The following KIDINS220 variants were observed in gnomAD, a reference collection of about 807,000 sequenced individuals.
KIDINS220 encodes the protein kinase D interacting substrate 220.
In KIDINS220, 63 loss-of-function variants were observed where a neutral mutation model predicts 157.6. The observed-to-expected ratio is 0.40, with a 90% CI of 0.33 to 0.49. The LOEUF is 0.49. Ranked by LOEUF, KIDINS220 falls within the 20% of genes least tolerant of loss-of-function variation. The pLI, the probability that KIDINS220 is intolerant of heterozygous loss-of-function variation, is 0.66. For synonymous variants in KIDINS220, 732 were observed against 783.6 expected, an observed-to-expected ratio of 0.93 and a Z score of 1.10; for missense variants, 1,772 against 2,171.2, an observed-to-expected ratio of 0.82 and a Z score of 3.65.
At chr2:8,742,710 C>T (rs528726945) in intron 26 of KIDINS220, among the ~76,000 whole-genome samples, 1 of 152,290 alleles carries the variant, frequency 6.6e-6, no homozygotes, top group South Asian at 2.1e-4. Flanking sequence ...ATAATTCCCT[C>T]GGTGGCCTTC....
chr2:8,781,845 G>A (rs1671766232), intron 17 of KIDINS220, among the ~76,000 whole-genome samples: 1 of 152,174 alleles, frequency 6.6e-6, no homozygotes, highest in African/African-American at 2.4e-5. Context: ...AATCTGGCTG[G>A]GTGCAGTGGC....
chr2:8,746,953 G>T, intron 26 of KIDINS220, 192 bp downstream of exon 26: 1 of 529,504 alleles, frequency 1.9e-6, no homozygotes, highest in Admixed American at 3.1e-5. Flanking sequence ...AGGAAATAAT[G>T]GGTGAAGTTA....
At chr2:8,725,042 C>G (rs1000538735), downstream of KIDINS220, 9 of 152,052 alleles carry the variant, frequency 5.9e-5, no homozygotes, top group African/African-American at 2.2e-4. Context: ...TTACAGTAAA[C>G]TAGGATGGTA....
chr2:8,796,828 G>A lies in KIDINS220; in HGVS notation c.1041C>T (p.Asn347=). 1 of 1,614,146 alleles carries A rather than the reference G, an allele frequency of 6.2e-7. No homozygotes were observed. The highest frequency in any genetic ancestry group is 1.1e-5 in the South Asian group (1 of 91,074). The change falls in exon 11 of 30, where the codon AAC becomes AAT. Residue 347 remains asparagine (N), a synonymous_variant. Coordinates refer to ENST00000256707, the MANE Select transcript of KIDINS220 (RefSeq NM_020738.4). ...TPLIKATKMR[N]IEVVELLLDK... Reference sequence around the variant, plus strand: ...CTAGCAGCAGCTCCACCACTTCAATGTTTCTCATCTTGGTAGCCTTTATAA... The same window carrying A: ...CTAGCAGCAGCTCCACCACTTCAATATTTCTCATCTTGGTAGCCTTTATAA...
intron 9 of KIDINS220, chr2:8,800,090 A>C (rs1399756503): frequency 1.6e-5 from 4 of 256,580 alleles, no homozygotes; most frequent in African/African-American, 8.8e-5. Context: ...TCAAAGTGTC[A>C]CCGACTCTCT....
At chr2:8,811,938 C>T (rs991035365) in intron 6 of KIDINS220, among the ~76,000 whole-genome samples, 12 of 152,082 alleles carry the variant, frequency 7.9e-5, no homozygotes, top group East Asian at 7.8e-4. Flanking sequence ...GGAACCATGG[C>T]GGACAAGCAG....
intron 1 of KIDINS220, among the ~76,000 whole-genome samples, chr2:8,832,783 C>T (rs974836446): frequency 1.3e-5 from 2 of 152,180 alleles, no homozygotes; most frequent in Non-Finnish European, 2.9e-5. Context: ...CGGCTTAAAA[C>T]GAAGCTGTCT....
intron 26 of KIDINS220, among the ~76,000 whole-genome samples, chr2:8,740,546 T>C (rs909217777): frequency 3.3e-5 from 5 of 152,236 alleles, no homozygotes; most frequent in Non-Finnish European, 7.3e-5. Flanking sequence ...TTAACATTAA[T>C]TTAAAAACAT....
intron 11 of KIDINS220, among the ~76,000 whole-genome samples, chr2:8,796,395 C>T (rs1235350849): frequency 6.6e-6 from 1 of 152,184 alleles, no homozygotes; most frequent in Non-Finnish European, 1.5e-5. Flanking sequence ...ACATTGACTC[C>T]TGTCAGTGAA....
intron 26 of KIDINS220, among the ~76,000 whole-genome samples, chr2:8,745,703 G>A (rs1382128708): frequency 6.6e-6 from 1 of 152,158 alleles, no homozygotes; most frequent in African/African-American, 2.4e-5. Flanking sequence ...GGAGGCTGAG[G>A]CAGGAGAATC....
chr2:8,769,417 C>A (rs1053955590), intron 22 of KIDINS220, among the ~76,000 whole-genome samples: 7 of 152,200 alleles, frequency 4.6e-5, no homozygotes, highest in Admixed American at 3.9e-4. Flanking sequence ...AGACATCACT[C>A]CACAGTTCCT....
At chr2:8,759,095 CT>C (rs1668420973) in intron 22 of KIDINS220, among the ~76,000 whole-genome samples, 1 of 152,192 alleles carries the variant, frequency 6.6e-6, no homozygotes, top group Non-Finnish European at 1.5e-5. Context: ...TTTTAGGCAT[CT>C]TATTGAGTAA....
intron 17 of KIDINS220, among the ~76,000 whole-genome samples, chr2:8,781,443 A>G (rs1388994610): frequency 6.6e-6 from 1 of 151,910 alleles, no homozygotes; most frequent in Non-Finnish European, 1.5e-5. Flanking sequence ...ATTTCATCCA[A>G]AAAAAGAAAA....
At chr2:8,762,677 T>C (rs563262126) in intron 22 of KIDINS220, among the ~76,000 whole-genome samples, 18 of 151,702 alleles carry the variant, frequency 1.2e-4, no homozygotes, top group African/African-American at 4.1e-4. Flanking sequence ...AGGCGGAGCT[T>C]GCAGTGAGCC....
chr2:8,783,197 C>CAG lies in KIDINS220; in HGVS notation c.2229+2543_2229+2544insCT, dbSNP rs1553322721. Among the ~76,000 whole-genome samples, 4 of 135,046 alleles carry CAG rather than the reference C, an allele frequency of 3.0e-5. No individual in the cohort carries two copies. The East Asian group carries it at 8.4e-4, about 28-fold the overall frequency. The allele number at this position is 135,046 out of a possible 152,430, so 88.6% of individuals were successfully genotyped here. On this transcript the variant is annotated intron_variant, in intron 17 of 29. Coordinates refer to ENST00000256707, the MANE Select transcript of KIDINS220 (RefSeq NM_020738.4). Reference sequence around the variant, plus strand: ...GGGCAACAAGAGTAAAACTCCGTCTCAAAAAAAAAAAAAGAAACAGGCTAA... The same window carrying CAG: ...GGGCAACAAGAGTAAAACTCCGTCTCAGAAAAAAAAAAAAAGAAACAGGCTAA...
At chr2:8,770,070 A>C (rs938981398) in intron 22 of KIDINS220, among the ~76,000 whole-genome samples, 2 of 152,210 alleles carry the variant, frequency 1.3e-5, no homozygotes, top group African/African-American at 4.8e-5. Flanking sequence ...CAATACTCTA[A>C]GGAAATAAAA....
intron 4 of KIDINS220, among the ~76,000 whole-genome samples, chr2:8,817,124 C>T (rs1325632735): frequency 6.6e-6 from 1 of 152,138 alleles, no homozygotes; most frequent in African/African-American, 2.4e-5. Flanking sequence ...TAACCAGATG[C>T]CAAACTCAAG....
chr2:8,826,237 T>G (rs1678797651), intron 2 of KIDINS220, among the ~76,000 whole-genome samples: 1 of 152,244 alleles, frequency 6.6e-6, no homozygotes, highest in Admixed American at 6.5e-5. Flanking sequence ...TTTAACTCTC[T>G]AATAAAGATG....
At chr2:8,836,290 G>C (rs1680380128) in intron 1 of KIDINS220, among the ~76,000 whole-genome samples, 1 of 152,038 alleles carries the variant, frequency 6.6e-6, no homozygotes, top group Non-Finnish European at 1.5e-5. Context: ...TGGGCGAATG[G>C]GGCTTTGGCC....
Sources: allele counts gnomAD v4.1 joint callset (sites outside exome capture counted in the v4.1 genomes callset), GRCh38; gene constraint gnomAD v4.1.1; transcripts MANE v1.5; gene names NCBI Gene and HGNC (gene_info 2026-07-23, HGNC 2026-07-21).